Variants in LIFR observed in about 807,000 individuals in gnomAD.
LIFR encodes the protein leukemia inhibitory factor receptor.
A neutral mutation model predicts 122.2 loss-of-function variants in LIFR; 84 were observed. The ratio of observed to expected loss-of-function variants is 0.69; its 90% confidence interval spans 0.58 to 0.82. The LOEUF (loss-of-function observed/expected upper bound fraction) is 0.82, where lower values mean the gene tolerates loss of function less well. LIFR is among the 40% of genes least tolerant of loss of function. The pLI is 0.00. For missense variants in LIFR, 1,294 were observed against 1,311.6 expected (o/e 0.99, Z 0.21); for synonymous variants, 422 against 434.7 (o/e 0.97, Z 0.36).
At chr5:38,600,182 T>A (rs1010578262), upstream of LIFR, among the ~76,000 whole-genome samples, 1 of 152,202 alleles carries the variant, frequency 6.6e-6, no homozygotes, top group Non-Finnish European at 1.5e-5. Context: ...TGCTTCCAGT[T>A]GTCCCACCTT....
intron 14 of LIFR, among the ~76,000 whole-genome samples, chr5:38,492,482 A>G (rs1034027192): frequency 1.3e-5 from 2 of 152,194 alleles, no homozygotes; most frequent in Non-Finnish European, 2.9e-5. Context: ...AAGGTGCAGG[A>G]AAAGAAGGGT....
chr5:38,515,079 A>G (rs1320296225), intron 5 of LIFR, among the ~76,000 whole-genome samples: 1 of 152,206 alleles, frequency 6.6e-6, no homozygotes, highest in Non-Finnish European at 1.5e-5. Context: ...TAGATGATGG[A>G]GATCCCTTGG....
intron 7 of LIFR, 59 bp from the exon 8 acceptor site, chr5:38,506,691 A>C: frequency 7.0e-7 from 1 of 1,428,898 alleles, no homozygotes; most frequent in Non-Finnish European, 9.8e-7. Context: ...AAAACATAAT[A>C]TTTTATAAAC....
rs946711397 is a variant in LIFR, at chr5:38,481,341, A to C, written c.*254T>G. The C allele has an allele frequency of 5.4e-6, 3 of 551,068 alleles. No homozygotes were observed. Among genetic ancestry groups the C allele is most frequent in the Non-Finnish European group, 9.8e-6 (3 of 306,944 alleles). The allele number at this position is 551,068 out of a possible 1,614,324, so 34.1% of individuals were successfully genotyped here. A position where few individuals can be genotyped will look rare whatever the true frequency, so the allele number is the denominator to read the frequency against. On this transcript the variant is annotated 3_prime_UTR_variant, in exon 20 of 20. Coordinates refer to ENST00000453190, the MANE Select transcript of LIFR (RefSeq NM_001127671.2). ...GAAATGCTTCTTGAAGGTAGAGTAC[A>C]TGAGAATTCTTTGGCTTGATCACAA...
At chr5:38,564,672 T>A (rs1748946721) in intron 1 of LIFR, among the ~76,000 whole-genome samples, 1 of 151,092 alleles carries the variant, frequency 6.6e-6, no homozygotes, top group South Asian at 2.1e-4. Context: ...TCCATTGGAT[T>A]TAGAGAGTGT....
intron 1 of LIFR, among the ~76,000 whole-genome samples, chr5:38,551,571 C>A (rs777964858): frequency 2.8e-4 from 43 of 152,214 alleles, no homozygotes; most frequent in Non-Finnish European, 5.3e-4. Context: ...TATTCCAAGG[C>A]ATTCTCTGGA....
At chr5:38,520,946 G>T (rs570020205) in intron 5 of LIFR, among the ~76,000 whole-genome samples, 12 of 152,092 alleles carry the variant, frequency 7.9e-5, no homozygotes, top group Non-Finnish European at 1.6e-4. Flanking sequence ...ACAAATTTTA[G>T]GATTGTTTTT....
chr5:38,600,125 T>C (rs1446749650), upstream of LIFR, among the ~76,000 whole-genome samples: 2 of 152,220 alleles, frequency 1.3e-5, no homozygotes, highest in South Asian at 2.1e-4. Context: ...TTTCAACCAA[T>C]TGCCAATCAG....
At position 38,514,251 on chromosome 5, in the gene LIFR, A is replaced by G. The variant is rs540968386; in HGVS notation, c.562-2287T>C. On this transcript the variant is annotated intron_variant, in intron 5 of 19. Coordinates refer to ENST00000453190, the MANE Select transcript of LIFR (RefSeq NM_001127671.2). ...AGACAGAGAAGGACAAATCAAAGAA[A>G]TAAAACAAGAAATTCCCAAGCTGAC... Among the ~76,000 whole-genome samples the G allele has an allele frequency of 8.0e-4, 122 of 152,320 alleles. 1 individual carries two copies. The highest frequency in any genetic ancestry group is 2.9e-3 in the African/African-American group (121 of 41,576).
At chr5:38,523,760 T>C (rs560553148) in intron 4 of LIFR, among the ~76,000 whole-genome samples, 178 bp from the exon 5 acceptor site, 6 of 152,252 alleles carry the variant, frequency 3.9e-5, no homozygotes, top group South Asian at 2.1e-4. Context: ...AGATGCCATA[T>C]ATGGAAAAGA....
intron 7 of LIFR, among the ~76,000 whole-genome samples, chr5:38,509,917 A>T (rs1745705754): frequency 6.6e-6 from 1 of 152,218 alleles, no homozygotes; most frequent in Non-Finnish European, 1.5e-5. Context: ...GACACCTTGA[A>T]TGACAGAGCA....
At chr5:38,493,542 T>C in intron 14 of LIFR, 64 bp downstream of exon 14, 1 of 1,452,436 alleles carries the variant, frequency 6.9e-7, no homozygotes, top group Non-Finnish European at 9.7e-7. Flanking sequence ...CTGCACCCAG[T>C]CTTACGTGTT....
intron 1 of LIFR, chr5:38,579,545 G>T (rs756114825): frequency 6.6e-6 from 1 of 151,980 alleles, no homozygotes; most frequent in Non-Finnish European, 1.5e-5. Context: ...CCAGCACACC[G>T]AAGGCTCTCA....
Position 38,502,817 on chromosome 5 carries a change from AATAT to A in LIFR, c.1438-22_1438-19del, listed in dbSNP as rs754251807. 4 of 1,340,202 alleles carry A rather than the reference AATAT, an allele frequency of 3.0e-6. No homozygotes were observed. In the African/African-American group the frequency reaches 5.9e-5, roughly 20 times the overall value. 83.0% of individuals were successfully genotyped at this position (1,340,202 alleles called of 1,614,324 possible). ...ACATTCCGCTATTGGAAAACAAATA[AATAT>A]ATATATATGTATATATTATGTGTAT... On this transcript the variant is annotated intron_variant, in intron 10 of 19. Transcript: ENST00000453190.
At chr5:38,512,438 G>A (rs1745849746) in intron 5 of LIFR, among the ~76,000 whole-genome samples, 1 of 151,654 alleles carries the variant, frequency 6.6e-6, no homozygotes, top group African/African-American at 2.4e-5. Flanking sequence ...GGACAATACG[G>A]CGAAACCCCA....
intron 11 of LIFR, among the ~76,000 whole-genome samples, chr5:38,500,431 A>T (rs538916522): frequency 6.6e-6 from 1 of 152,368 alleles, no homozygotes; most frequent in African/African-American, 2.4e-5. Flanking sequence ...GGGATCCAAG[A>T]ACACATAAAA....
At chr5:38,547,812 A>G (rs1747980135) in intron 1 of LIFR, among the ~76,000 whole-genome samples, 1 of 152,196 alleles carries the variant, frequency 6.6e-6, no homozygotes. Context: ...AGTCTACTAG[A>G]CACCTAGGCT....
At chr5:38,565,037 G>A (rs777725734) in intron 1 of LIFR, among the ~76,000 whole-genome samples, 1 of 152,148 alleles carries the variant, frequency 6.6e-6, no homozygotes, top group South Asian at 2.1e-4. Flanking sequence ...GCCTCCCAAA[G>A]TGCTGGGATT....
At position 38,489,162 on chromosome 5, in the gene LIFR, C is replaced by T. The variant is rs145394000; in HGVS notation, c.2251G>A (p.Glu751Lys). ...TATCCTCTTAAAAAGCCTCTAAGTTCTTCCACAGGAATGTCTTCCCATTTT... is the reference window on the plus strand; with the variant it reads ...TATCCTCTTAAAAAGCCTCTAAGTTTTTCCACAGGAATGTCTTCCCATTTT... Reference protein sequence around the residue: ...LVKWEDIPVEELRGFLRGYLF... With the variant: ...LVKWEDIPVEKLRGFLRGYLF... The change falls in exon 16 of 20, where the codon GAA becomes AAA. Residue 751 changes from glutamate to lysine, a missense_variant. By Grantham distance (56) the Glu-to-Lys change is moderately conservative (BLOSUM62 1). Transcript: ENST00000453190. The T allele has an allele frequency of 1.2e-6, 2 of 1,612,276 alleles. No homozygotes were observed. The highest frequency in any genetic ancestry group is 1.7e-6 in the Non-Finnish European group (2 of 1,178,676).
Sources: gnomAD v4.1 joint callset for allele counts (sites outside exome capture counted in the v4.1 genomes callset) on GRCh38, gnomAD v4.1.1 for gene constraint, MANE v1.5 for transcripts, NCBI Gene and HGNC (gene_info 2026-07-23, HGNC 2026-07-21) for gene names.